The following ABHD15 variants were observed in gnomAD, a reference collection of about 807,000 sequenced individuals.
The protein encoded by ABHD15 is protein ABHD15.
Under a neutral mutation model 34.4 loss-of-function variants are expected in ABHD15, and 34 were observed. The observed-to-expected ratio is 0.99, with a 90% confidence interval of 0.75 to 1.32. ABHD15 has a LOEUF of 1.32. Among genes scored for constraint, ABHD15 ranks in the 40% most tolerant of loss-of-function variants. The pLI, the probability that ABHD15 is intolerant of heterozygous loss-of-function variation, is 0.00. For missense variants in ABHD15, 644 were observed against 650.4 expected (o/e 0.99, Z 0.11); for synonymous variants, 314 against 299.2 (o/e 1.05, Z -0.51).
chr17:29,565,745 T>TGG (rs2032696049), intron 1 of ABHD15, among the ~76,000 whole-genome samples: 1 of 152,250 alleles, frequency 6.6e-6, no homozygotes, highest in South Asian at 2.1e-4. Flanking sequence ...GCTGAGCTGT[T>TGG]AAGCTGTGGG....
intron 1 of ABHD15, among the ~76,000 whole-genome samples, chr17:29,563,942 G>C (rs1378766297): frequency 6.6e-6 from 1 of 152,254 alleles, no homozygotes; most frequent in Admixed American, 6.5e-5. Flanking sequence ...CTAGGGAAGT[G>C]GGAAGATCCA....
Position 29,566,429 on chromosome 17 carries a change from G to T in ABHD15, c.538C>A (p.Leu180Ile). Residue 180 changes from leucine to isoleucine, a missense_variant, in exon 1 of 2, where the codon CTC becomes ATC. Coordinates refer to ENST00000307201, the MANE Select transcript of ABHD15 (RefSeq NM_198147.3). ...GGGTAGTAGCCGCGCTCCAGGGCGA[G>T]CAAGCAAAGGCCGAGCACGTTGCGG... is the stretch of plus-strand genomic sequence containing the variant. Reference protein sequence around the residue: ...LTRNVLGLCLLALERGYYPVI... With the variant: ...LTRNVLGLCLIALERGYYPVI... 6.2e-7 allele frequency: 1 copy of T among 1,612,250 alleles called. No homozygotes were observed. Among genetic ancestry groups the T allele is most frequent in the Non-Finnish European group, 8.5e-7 (1 of 1,179,568 alleles).
Position 29,566,634 on chromosome 17 carries a change from G to C in ABHD15, c.333C>G (p.His111Gln), listed in dbSNP as rs2032719295. 3.7e-6 allele frequency: 6 copies of C among 1,607,186 alleles called. No homozygotes were observed. The highest frequency in any genetic ancestry group is 1.3e-5 in the African/African-American group (1 of 75,050). ...FSGPHLQTLC[H>Q]FVLPVAPGPE... ...GCCCAGGCGCTACGGGCAGGACGAA[G>C]TGGCAGAGGGTCTGCAGGTGGGGCC... The change falls in exon 1 of 2, where the codon CAC becomes CAG. Residue 111 changes from histidine (H) to glutamine (Q), a missense_variant. Physicochemically the swap from His to Gln is conservative, Grantham distance 24 (BLOSUM62 0). Coordinates refer to ENST00000307201, the MANE Select transcript of ABHD15 (RefSeq NM_198147.3).
rs1567756150 is a variant in ABHD15, at chr17:29,561,522, AT to A, written c.*1038del. The A allele has an allele frequency of 6.6e-6, 1 of 152,202 alleles. No homozygotes were observed. Among genetic ancestry groups the A allele is most frequent in the Non-Finnish European group, 1.5e-5 (1 of 68,034 alleles). 9.4% of individuals were successfully genotyped at this position (152,202 alleles called of 1,614,324 possible). Reference sequence around the variant, plus strand: ...CAGACGAAGCATTGGAATATGAAATATTTGTAAATCACTGGTCAGCTCTAGT... The same window carrying A: ...CAGACGAAGCATTGGAATATGAAATATTGTAAATCACTGGTCAGCTCTAGT... On this transcript the variant is annotated 3_prime_UTR_variant, in exon 2 of 2. Coordinates refer to ENST00000307201, the MANE Select transcript of ABHD15 (RefSeq NM_198147.3).
chr17:29,562,936 A>T lies in ABHD15; in HGVS notation c.1032T>A (p.Asp344Glu), dbSNP rs2032650047. The change falls in exon 2 of 2, where the codon GAT becomes GAA. Residue 344 changes from aspartate (D) to glutamate (E), a missense_variant. Physicochemically the swap from Asp to Glu is conservative, Grantham distance 45. Transcript: ENST00000307201. Reference sequence around the variant, plus strand: ...GCACAGGCACGGCTGCCTCATCGACATCCCGGAGCGGGTCGTTGCGGTCCC... The same window carrying T: ...GCACAGGCACGGCTGCCTCATCGACTTCCCGGAGCGGGTCGTTGCGGTCCC... ...TYWDRNDPLR[D>E]VDEAAVPVLC... The T allele has an allele frequency of 6.2e-7, 1 of 1,614,104 alleles. No homozygotes were observed. Among genetic ancestry groups the T allele is most frequent in the African/African-American group, 1.3e-5 (1 of 75,044 alleles).
In ABHD15 at chr17:29,566,284, G is replaced by T. The variant is rs774006255; in HGVS notation, c.683C>A (p.Ala228Glu). Residue 228 changes from alanine to glutamate, a missense_variant, in exon 1 of 2, where the codon GCG (alanine) becomes GAG (glutamate). Coordinates refer to ENST00000307201, the MANE Select transcript of ABHD15 (RefSeq NM_198147.3). Reference protein sequence around the residue: ...AVTYIRFRHPAAPLFAVSEGS... With the variant: ...AVTYIRFRHPEAPLFAVSEGS... ...TTCGCTCACCGCGAACAGCGGCGCC[G>T]CCGGGTGTCGGAAGCGGATGTATGT... is the stretch of plus-strand genomic sequence containing the variant. 2.5e-6 allele frequency: 4 copies of T among 1,611,138 alleles called. No individual in the cohort carries two copies. The highest frequency in any genetic ancestry group is 4.5e-5 in the East Asian group (2 of 44,840).
Position 29,566,157 on chromosome 17 carries a change from C to T in ABHD15, c.810G>A (p.Glu270=). Residue 270 remains glutamate (E), a synonymous_variant, in exon 1 of 2, where the codon GAG becomes GAA. Transcript: ENST00000307201. The part of the protein sequence containing the change: ...ACISPVLRCR[E]WFEAGLPWPY... ...GCCAGGGCAGGCCGGCCTCGAACCA[C>T]TCTCGGCAGCGCAGCACGGGCGAGA... The T allele has an allele frequency of 1.2e-6, 2 of 1,602,604 alleles. No homozygotes were observed. Among genetic ancestry groups the T allele is most frequent in the African/African-American group, 1.3e-5 (1 of 74,776 alleles).
At chr17:29,563,176 G>A (rs771009563) in intron 1 of ABHD15, 90 bp from the exon 2 acceptor site, 81 of 1,433,096 alleles carry the variant, frequency 5.7e-5, no homozygotes, top group African/African-American at 2.5e-4. Context: ...CAGACAGCCC[G>A]CAGGCCAGAT....
At position 29,566,837 on chromosome 17, in the gene ABHD15, G is replaced by A. The variant is rs2032727095; in HGVS notation, c.130C>T (p.Arg44Ter). ...GERTLPGAQD[R>*]DDGEEADGGG... Reference sequence around the variant, plus strand: ...CCGTCCGCCTCCTCCCCGTCGTCTCGGTCTTGGGCCCCCGGCAGGGTCCTC... The same window carrying A: ...CCGTCCGCCTCCTCCCCGTCGTCTCAGTCTTGGGCCCCCGGCAGGGTCCTC... The change falls in exon 1 of 2, where the codon CGA (arginine) becomes TGA (stop). Residue 44 changes from arginine to a stop codon, truncating the protein, a stop_gained. Transcript: ENST00000307201. LOFTEE classifies it high-confidence loss of function. 1 of 1,516,422 alleles carries A rather than the reference G, an allele frequency of 6.6e-7. No individual in the cohort carries two copies. Among genetic ancestry groups the A allele is most frequent in the South Asian group, 1.2e-5 (1 of 81,950 alleles). The allele number at this position is 1,516,422 out of a possible 1,614,324, so 93.9% of individuals were successfully genotyped here. A position where few individuals can be genotyped will look rare whatever the true frequency, so the allele number is the denominator to read the frequency against.
At chr17:29,565,497 A>G (rs1396769447) in intron 1 of ABHD15, among the ~76,000 whole-genome samples, 3 of 151,968 alleles carry the variant, frequency 2.0e-5, no homozygotes, top group African/African-American at 7.3e-5. Context: ...CCGGCTAATT[A>G]AAAAAAGAAA....
In ABHD15 at chr17:29,566,068, G is replaced by C; in HGVS notation, c.881+18C>G. ...CCCTCTATTCTTTCCATGCTGGTCTGCGGCCTCCGTTACCCACCTGCTGAG... is the reference window on the plus strand; with the variant it reads ...CCCTCTATTCTTTCCATGCTGGTCTCCGGCCTCCGTTACCCACCTGCTGAG... On this transcript the variant is annotated intron_variant, in intron 1 of 1. Transcript: ENST00000307201. The C allele has an allele frequency of 1.3e-6, 2 of 1,515,404 alleles. No homozygotes were observed. Among genetic ancestry groups the C allele is most frequent in the Non-Finnish European group, 1.8e-6 (2 of 1,132,774 alleles). The allele number at this position is 1,515,404 out of a possible 1,614,324, so 93.9% of individuals were successfully genotyped here.
At position 29,566,644 on chromosome 17, in the gene ABHD15, G is replaced by C. The variant is rs997562937; in HGVS notation, c.323C>G (p.Thr108Ser). The C allele has an allele frequency of 6.2e-7, 1 of 1,605,922 alleles. No homozygotes were observed. Among genetic ancestry groups the C allele is most frequent in the East Asian group, 2.2e-5 (1 of 44,822 alleles). ...TACGGGCAGGACGAAGTGGCAGAGG[G>C]TCTGCAGGTGGGGCCCGGAGAACCA... The part of the protein sequence containing the change: ...RSWFSGPHLQ[T>S]LCHFVLPVAP... Residue 108 changes from threonine (T) to serine (S), a missense_variant, in exon 1 of 2, where the codon ACC (threonine) becomes AGC (serine). By Grantham distance (58) the Thr-to-Ser change is moderately conservative (BLOSUM62 1). Transcript: ENST00000307201.
At chr17:29,565,029 G>A (rs1005448224) in intron 1 of ABHD15, among the ~76,000 whole-genome samples, 20 of 152,148 alleles carry the variant, frequency 1.3e-4, no homozygotes, top group South Asian at 6.2e-4. Context: ...TGGGGCAGGC[G>A]GATCACTTGA....
At position 29,566,292 on chromosome 17, in the gene ABHD15, T is replaced by A; in HGVS notation, c.675A>T (p.Arg225=). The change falls in exon 1 of 2, where the codon CGA becomes CGT. Residue 225 remains arginine (R), a synonymous_variant. Transcript: ENST00000307201. ...LKEAVTYIRF[R]HPAAPLFAVS... ...CCGCGAACAGCGGCGCCGCCGGGTGTCGGAAGCGGATGTATGTGACCGCCT... is the reference window on the plus strand; with the variant it reads ...CCGCGAACAGCGGCGCCGCCGGGTGACGGAAGCGGATGTATGTGACCGCCT... The A allele has an allele frequency of 6.2e-7, 1 of 1,611,384 alleles. No individual in the cohort carries two copies. The highest frequency in any genetic ancestry group is 8.5e-7 in the Non-Finnish European group (1 of 1,179,188).
chr17:29,566,213 A>G lies in ABHD15; in HGVS notation c.754T>C (p.Ser252Pro). Residue 252 changes from serine (S) to proline (P), a missense_variant, in exon 1 of 2, where the codon TCC becomes CCC. By Grantham distance (74) the Ser-to-Pro change is moderately conservative (BLOSUM62 -1). Coordinates refer to ENST00000307201, the MANE Select transcript of ABHD15 (RefSeq NM_198147.3). ...LLLSYLGECG[S>P]SSYVTGAACI... ...GCGGCGCCTGTCACGTAGCTGGAGG[A>G]GCCGCACTCGCCCAGGTAGGACAGG... 6.2e-7 allele frequency: 1 copy of G among 1,610,826 alleles called. No individual in the cohort carries two copies. Among genetic ancestry groups the G allele is most frequent in the Non-Finnish European group, 8.5e-7 (1 of 1,178,840 alleles).
rs1355640629 is a variant in ABHD15 at position 29,566,212 on chromosome 17, G to A, written c.755C>T (p.Ser252Phe). 15 of 1,610,924 alleles carry A rather than the reference G, an allele frequency of 9.3e-6. No homozygotes were observed. The highest frequency in any genetic ancestry group is 1.3e-5 in the Non-Finnish European group (15 of 1,178,838). ...GGCGGCGCCTGTCACGTAGCTGGAG[G>A]AGCCGCACTCGCCCAGGTAGGACAG... is the stretch of plus-strand genomic sequence containing the variant. ...LLLSYLGECG[S>F]SSYVTGAACI... The change falls in exon 1 of 2, where the codon TCC (serine) becomes TTC (phenylalanine). Residue 252 changes from serine (S) to phenylalanine (F), a missense_variant. By Grantham distance (155) the Ser-to-Phe change is radical (BLOSUM62 -2). Transcript: ENST00000307201.
Position 29,562,943 on chromosome 17 carries a change from A to T in ABHD15, c.1025T>A (p.Leu342His). Residue 342 changes from leucine (L) to histidine (H), a missense_variant, in exon 2 of 2, where the codon CTC becomes CAC. Physicochemically the swap from Leu to His is moderately conservative, Grantham distance 99. Coordinates refer to ENST00000307201, the MANE Select transcript of ABHD15 (RefSeq NM_198147.3). ...CACGGCTGCCTCATCGACATCCCGG[A>T]GCGGGTCGTTGCGGTCCCAGTAGGT... ...WDTYWDRNDP[L>H]RDVDEAAVPV... 1 of 1,614,054 alleles carries T rather than the reference A, an allele frequency of 6.2e-7. No individual in the cohort carries two copies. Among genetic ancestry groups the T allele is most frequent in the South Asian group, 1.1e-5 (1 of 91,082 alleles).
Position 29,561,294 on chromosome 17 carries a change from C to T in ABHD15, c.*1267G>A, listed in dbSNP as rs1300690110. 1.3e-5 allele frequency: 2 copies of T among 152,142 alleles called. No individual in the cohort carries two copies. Among genetic ancestry groups the T allele is most frequent in the Non-Finnish European group, 2.9e-5 (2 of 68,006 alleles). The allele number at this position is 152,142 out of a possible 1,614,324, so 9.4% of individuals were successfully genotyped here. A position where few individuals can be genotyped will look rare whatever the true frequency, so the allele number is the denominator to read the frequency against. On this transcript the variant is annotated 3_prime_UTR_variant, in exon 2 of 2. Transcript: ENST00000307201. ...CTTAGCAACACATGGAAACATATGTCCTGTTGCCAAAAAAATTTTAATTGC... is the reference window on the plus strand; with the variant it reads ...CTTAGCAACACATGGAAACATATGTTCTGTTGCCAAAAAAATTTTAATTGC...
chr17:29,564,778 T>TC (rs1299438331), intron 1 of ABHD15, among the ~76,000 whole-genome samples: 7 of 152,118 alleles, frequency 4.6e-5, no homozygotes, highest in Non-Finnish European at 2.9e-5. Flanking sequence ...GGCCCCCACA[T>TC]CCCAGGTCTT....
Sources: gnomAD v4.1 joint callset for allele counts (sites outside exome capture counted in the v4.1 genomes callset) on GRCh38, gnomAD v4.1.1 for gene constraint, MANE v1.5 for transcripts, NCBI Gene and HGNC (gene_info 2026-07-23, HGNC 2026-07-21) for gene names.